Variants in PPFIA1 observed in about 807,000 individuals in gnomAD.
PPFIA1 encodes the protein liprin-alpha-1.
PPFIA1 carries 25 observed loss-of-function variants against 149.9 expected under a neutral mutation model. That is an observed-to-expected ratio of 0.17 (90% CI 0.12 to 0.23). PPFIA1 has a LOEUF of 0.23. Ranked by LOEUF, PPFIA1 falls within the 10% of genes least tolerant of loss-of-function variation. The pLI, the probability that PPFIA1 is intolerant of heterozygous loss-of-function variation, is 1.00. For synonymous variants in PPFIA1, 549 were observed against 552.8 expected (o/e 0.99, Z 0.10); for missense variants, 1,362 against 1,506.5 (o/e 0.90, Z 1.59).
intron 27 of PPFIA1, 54 bp from the exon 28 acceptor site, chr11:70,382,949 G>C: frequency 2.8e-6 from 1 of 361,966 alleles, no homozygotes. Context: ...GTTCCCGTTC[G>C]TCAGTATGGC....
chr11:70,328,386 A>C (rs2054450229), intron 7 of PPFIA1, among the ~76,000 whole-genome samples: 1 of 152,120 alleles, frequency 6.6e-6, no homozygotes, highest in African/African-American at 2.4e-5. Context: ...AGCTCCATCC[A>C]TGTCTCTGCA....
At chr11:70,340,751 T>C (rs1457287344) in intron 14 of PPFIA1, among the ~76,000 whole-genome samples, 1 of 151,970 alleles carries the variant, frequency 6.6e-6, no homozygotes, top group Non-Finnish European at 1.5e-5. Context: ...AACAAATTAC[T>C]ACGGAGCTCA....
chr11:70,338,435 G>C lies in PPFIA1; in HGVS notation c.1553G>C (p.Gly518Ala). The change falls in exon 13 of 28, where the codon GGT becomes GCT. Residue 518 changes from glycine to alanine, a missense_variant. Gly to Ala is a moderately conservative substitution (Grantham distance 60). Transcript: ENST00000253925. ...GAACTAGACCACATGAGACTAAGAG[G>C]TGCTTCACTTCATCATGGGTATGGT... ...RAELDHMRLR[G>A]ASLHHGRPHL... The C allele has an allele frequency of 6.2e-7, 1 of 1,611,668 alleles. No individual in the cohort carries two copies. The highest frequency in any genetic ancestry group is 8.5e-7 in the Non-Finnish European group (1 of 1,177,770).
chr11:70,349,029 A>G (rs1301721085), intron 16 of PPFIA1, among the ~76,000 whole-genome samples: 4 of 152,092 alleles, frequency 2.6e-5, no homozygotes, highest in Admixed American at 2.0e-4. Flanking sequence ...CCACTTAGCA[A>G]AAGTAAATAA....
intron 2 of PPFIA1, among the ~76,000 whole-genome samples, chr11:70,304,206 TC>T (rs1182934776): frequency 6.6e-6 from 1 of 152,138 alleles, no homozygotes; most frequent in African/African-American, 2.4e-5. Flanking sequence ...GGCTCTGGGT[TC>T]CTGAACATGT....
At chr11:70,352,834 T>G (rs1179378305) in intron 16 of PPFIA1, among the ~76,000 whole-genome samples, 3 of 150,186 alleles carry the variant, frequency 2.0e-5, no homozygotes, top group African/African-American at 7.4e-5. Flanking sequence ...GGGCGGCGTG[T>G]GGAGGGATGA....
At chr11:70,294,711 T>C (rs1194040992) in intron 2 of PPFIA1, among the ~76,000 whole-genome samples, 5 of 151,924 alleles carry the variant, frequency 3.3e-5, no homozygotes, top group Admixed American at 1.3e-4. Flanking sequence ...CCTTCCGCAG[T>C]GTTTGTGTCC....
intron 2 of PPFIA1, among the ~76,000 whole-genome samples, chr11:70,310,973 G>A (rs2053229543): frequency 6.6e-6 from 1 of 152,212 alleles, no homozygotes; most frequent in African/African-American, 2.4e-5. Context: ...TTTGTGAGCA[G>A]TGAAGGCAGG....
chr11:70,297,424 AAAAATG>A, intron 2 of PPFIA1, among the ~76,000 whole-genome samples: 1 of 152,168 alleles, frequency 6.6e-6, no homozygotes, highest in East Asian at 1.9e-4. Context: ...AAAAAAAAGA[AAAAATG>A]AAAAAAGATG....
At chr11:70,305,118 CTCTT>C (rs1253173978) in intron 2 of PPFIA1, among the ~76,000 whole-genome samples, 1 of 152,160 alleles carries the variant, frequency 6.6e-6, no homozygotes, top group East Asian at 1.9e-4. Context: ...GCAGAGCAGA[CTCTT>C]TGTTTCTCCA....
chr11:70,283,604 C>T (rs1265667404), intron 2 of PPFIA1, among the ~76,000 whole-genome samples: 2 of 152,072 alleles, frequency 1.3e-5, no homozygotes, highest in Non-Finnish European at 2.9e-5. Context: ...CAAGACAGCC[C>T]ATTTAGGAGG....
chr11:70,346,055 T>C (rs2055682789), intron 15 of PPFIA1: 1 of 406,664 alleles, frequency 2.5e-6, no homozygotes, highest in Middle Eastern at 3.5e-4. Flanking sequence ...GGTTTTTCTT[T>C]AGCAACTTTA....
At chr11:70,309,639 A>G (rs1461992803) in intron 2 of PPFIA1, among the ~76,000 whole-genome samples, 1 of 152,330 alleles carries the variant, frequency 6.6e-6, no homozygotes, top group Admixed American at 6.5e-5. Flanking sequence ...TGCCTAAAAA[A>G]AAAAAAGTTT....
chr11:70,278,438 C>T (rs1424970330), intron 2 of PPFIA1, among the ~76,000 whole-genome samples: 3 of 152,156 alleles, frequency 2.0e-5, no homozygotes, highest in African/African-American at 4.8e-5. Flanking sequence ...TTTTTTAGCT[C>T]GCTTCCTTTT....
intron 2 of PPFIA1, among the ~76,000 whole-genome samples, chr11:70,297,839 C>A (rs749147087): frequency 6.6e-6 from 1 of 152,202 alleles, no homozygotes; most frequent in Non-Finnish European, 1.5e-5. Context: ...TTCAGCCCCT[C>A]GTCTGGGCCA....
intron 21 of PPFIA1, chr11:70,371,645 T>G (rs2057273745): frequency 1.0e-4 from 2 of 19,218 alleles, no homozygotes; most frequent in African/African-American, 1.6e-4. Context: ...TTTTTTTGCT[T>G]CTTTCATCAG....
intron 17 of PPFIA1, among the ~76,000 whole-genome samples, chr11:70,355,093 TG>T (rs1555116434): frequency 6.6e-6 from 1 of 152,034 alleles, no homozygotes; most frequent in Non-Finnish European, 1.5e-5. Flanking sequence ...TTAGTAAAGA[TG>T]GGGTTTCACC....
intron 2 of PPFIA1, among the ~76,000 whole-genome samples, chr11:70,316,834 A>C (rs1386993225): frequency 6.6e-6 from 1 of 152,248 alleles, no homozygotes; most frequent in Non-Finnish European, 1.5e-5. Flanking sequence ...GTGGCTTTTG[A>C]GTAATAATGT....
At chr11:70,318,461 G>T (rs113387935) in intron 2 of PPFIA1, among the ~76,000 whole-genome samples, 207 of 152,268 alleles carry the variant, frequency 1.4e-3, no homozygotes, top group African/African-American at 4.2e-3. Flanking sequence ...CCTGCTTTCA[G>T]CTGGACTCAT....
Sources: allele counts gnomAD v4.1 joint callset (sites outside exome capture counted in the v4.1 genomes callset), GRCh38; gene constraint gnomAD v4.1.1; transcripts MANE v1.5; gene names NCBI Gene and HGNC (gene_info 2026-07-23, HGNC 2026-07-21).